The following CLUAP1 variants were observed in gnomAD, a reference collection of about 807,000 sequenced individuals.
The protein encoded by CLUAP1 is clusterin-associated protein 1.
In CLUAP1, 50 loss-of-function variants were observed where a neutral mutation model predicts 55.0. The ratio of observed to expected loss-of-function variants is 0.91; its 90% CI spans 0.72 to 1.15. The LOEUF (loss-of-function observed/expected upper bound fraction) is 1.15, where lower values mean the gene tolerates loss of function less well. CLUAP1 is among the 50% of genes most tolerant of loss of function. The pLI is 0.00. For synonymous variants in CLUAP1, 195 were observed against 175.4 expected (o/e 1.11, Z -0.88); for missense variants, 530 against 507.6 (o/e 1.04, Z -0.42).
Position 3,536,221 on chromosome 16 carries a change from C to G in CLUAP1, c.1192C>G (p.Arg398Gly). The G allele has an allele frequency of 6.2e-7, 1 of 1,614,138 alleles. No homozygotes were observed. Among genetic ancestry groups the G allele is most frequent in the Non-Finnish European group, 8.5e-7 (1 of 1,180,030 alleles). The change falls in exon 12 of 12, where the codon CGA becomes GGA. Residue 398 changes from arginine (R) to glycine (G), a missense_variant. Arg to Gly is a moderately radical substitution (Grantham distance 125, BLOSUM62 -2). Transcript: ENST00000576634. Reference sequence around the variant, plus strand: ...TTCTCTCTCACCAACCAAGCCCAATCGAAGGGTCCGGAAATCTGAACCCCT... The same window carrying G: ...TTCTCTCTCACCAACCAAGCCCAATGGAAGGGTCCGGAAATCTGAACCCCT... The part of the protein sequence containing the change: ...SISLSPTKPN[R>G]RVRKSEPLDE...
intron 11 of CLUAP1, chr16:3,533,726 T>C: frequency 6.5e-6 from 1 of 154,734 alleles, no homozygotes; most frequent in Non-Finnish European, 1.4e-5. Context: ...CCAGGCTGCC[T>C]CCATGTGCCC....
At chr16:3,495,984 C>CA (rs1282910908), upstream of CLUAP1, among the ~76,000 whole-genome samples, 6 of 151,918 alleles carry the variant, frequency 3.9e-5, no homozygotes, top group African/African-American at 1.2e-4. Context: ...ACTAAAAATA[C>CA]AAAAAAATTA....
chr16:3,506,214 T>C, intron 2 of CLUAP1, 117 bp from the exon 3 acceptor site: 5 of 798,288 alleles, frequency 6.3e-6, no homozygotes, highest in South Asian at 2.9e-5. Flanking sequence ...ACTCTCCCAC[T>C]TGGGGACTTG....
the CLUAP1 span, among the ~76,000 whole-genome samples, chr16:3,495,855 C>T: frequency 2.0e-5 from 3 of 152,142 alleles, no homozygotes; most frequent in Non-Finnish European, 2.9e-5. Context: ...CCTGTAATCC[C>T]AGCACTGTGG....
intron 7 of CLUAP1, among the ~76,000 whole-genome samples, chr16:3,522,503 A>G (rs1306033861): frequency 6.6e-6 from 1 of 152,074 alleles, no homozygotes; most frequent in Non-Finnish European, 1.5e-5. Context: ...AATAATATAT[A>G]TATTTATTGA....
intron 5 of CLUAP1, among the ~76,000 whole-genome samples, chr16:3,515,108 T>C (rs1198196824): frequency 6.6e-6 from 1 of 152,030 alleles, no homozygotes; most frequent in African/African-American, 2.4e-5. Flanking sequence ...GACTCATGCC[T>C]GTGATCCTAG....
At chr16:3,530,743 G>A in intron 10 of CLUAP1, 68 bp downstream of exon 10, 1 of 1,270,126 alleles carries the variant, frequency 7.9e-7, no homozygotes, top group Non-Finnish European at 1.1e-6. Context: ...GCCAGGACTG[G>A]GGCAGGCTGC....
At chr16:3,536,021 A>C (rs1015079237) in intron 11 of CLUAP1, 101 bp from the exon 12 acceptor site, 37 of 1,425,118 alleles carry the variant, frequency 2.6e-5, no homozygotes, top group Non-Finnish European at 3.0e-5. Flanking sequence ...CTCTTCCTTC[A>C]CACAGGGATG....
Position 3,520,185 on chromosome 16 carries a change from C to G in CLUAP1, c.713+149C>G, listed in dbSNP as rs1016881212. ...CCCAGGAGTTTGAGACCAGCCTGGG[C>G]AGCATAATGAAACCCCATCTCTAAA... On this transcript the variant is annotated intron_variant, in intron 7 of 11. Coordinates refer to ENST00000576634, the MANE Select transcript of CLUAP1 (RefSeq NM_015041.3). 9 of 740,574 alleles carry G rather than the reference C, an allele frequency of 1.2e-5. No homozygotes were observed. The African/African-American group carries it at 1.6e-4, about 13-fold the overall frequency. The allele number at this position is 740,574 out of a possible 1,614,324, so 45.9% of individuals were successfully genotyped here. A position where few individuals can be genotyped will look rare whatever the true frequency, so the allele number is the denominator to read the frequency against.
intron 9 of CLUAP1, among the ~76,000 whole-genome samples, chr16:3,529,463 A>T (rs1354622347): frequency 2.5e-5 from 2 of 80,968 alleles, no homozygotes; most frequent in Non-Finnish European, 4.5e-5. Flanking sequence ...ATTATATATA[A>T]TATATATTAT....
At chr16:3,495,483 C>G in the CLUAP1 span, 1 of 1,582,772 alleles carries the variant, frequency 6.3e-7, no homozygotes, top group Non-Finnish European at 8.6e-7. Context: ...CCTGCTCTCC[C>G]CTGCCTAGGG....
chr16:3,508,225 G>A, intron 3 of CLUAP1, 64 bp from the exon 4 acceptor site: 1 of 1,438,514 alleles, frequency 7.0e-7, no homozygotes, highest in Non-Finnish European at 9.4e-7. Flanking sequence ...CACCTACATG[G>A]GATTTAGTTT....
chr16:3,521,075 C>A (rs2037823032), intron 7 of CLUAP1, among the ~76,000 whole-genome samples: 1 of 152,106 alleles, frequency 6.6e-6, no homozygotes, highest in Non-Finnish European at 1.5e-5. Flanking sequence ...GCGACAGCAA[C>A]CACAGGGAGC....
At chr16:3,506,193 G>C (rs1468108986) in intron 2 of CLUAP1, 138 bp from the exon 3 acceptor site, 1 of 677,974 alleles carries the variant, frequency 1.5e-6, no homozygotes, top group Non-Finnish European at 2.6e-6. Flanking sequence ...TTTGAAGTTT[G>C]CCTTGATCTC....
chr16:3,522,824 A>G (rs2037865973), intron 7 of CLUAP1, among the ~76,000 whole-genome samples: 1 of 152,108 alleles, frequency 6.6e-6, no homozygotes, highest in African/African-American at 2.4e-5. Context: ...ATCTATATTT[A>G]TGCATAGAAA....
chr16:3,508,578 G>C, intron 4 of CLUAP1, 110 bp downstream of exon 4: 4 of 992,748 alleles, frequency 4.0e-6, no homozygotes, highest in Non-Finnish European at 5.6e-6. Context: ...TCAGCTGAGG[G>C]CAGTTTGTCA....
upstream of CLUAP1, chr16:3,496,509 G>T (rs1567415639): frequency 1.6e-6 from 1 of 606,162 alleles, no homozygotes; most frequent in Non-Finnish European, 3.1e-6. Context: ...TAAGGTGTGT[G>T]CGCTGCCCGT....
upstream of CLUAP1, chr16:3,496,422 C>A: frequency 9.9e-7 from 1 of 1,010,406 alleles, no homozygotes; most frequent in Non-Finnish European, 1.5e-6. Context: ...ATGAAGCTTC[C>A]TGGCTGGGAA....
chr16:3,512,356 T>C (rs1477746779), intron 4 of CLUAP1, 27 bp from the exon 5 acceptor site: 1 of 1,561,740 alleles, frequency 6.4e-7, no homozygotes, highest in Non-Finnish European at 8.8e-7. Flanking sequence ...GTTGCTGAGG[T>C]TTCTGTTTTT....
Sources: allele counts gnomAD v4.1 joint callset (sites outside exome capture counted in the v4.1 genomes callset), GRCh38; gene constraint gnomAD v4.1.1; transcripts MANE v1.5; gene names NCBI Gene and HGNC (gene_info 2026-07-23, HGNC 2026-07-21).